SV2C: variants seen among roughly 807,000 people sequenced by gnomAD.
SV2C encodes the protein solute carrier family 22 member B3.
A neutral mutation model predicts 79.7 loss-of-function variants in SV2C; 49 were observed. The ratio of observed to expected loss-of-function variants is 0.61; its 90% confidence interval spans 0.49 to 0.78. The LOEUF (loss-of-function observed/expected upper bound fraction) is 0.78, where lower values mean the gene tolerates loss of function less well. SV2C is among the 30% of genes least tolerant of loss of function. The pLI is 0.00. For missense variants in SV2C, 833 were observed against 912.9 expected (o/e 0.91, Z 1.13); for synonymous variants, 334 against 333.2 (o/e 1.00, Z -0.03).
intron 2 of SV2C, among the ~76,000 whole-genome samples, chr5:76,153,212 C>G (rs1417773488): frequency 6.6e-6 from 1 of 152,220 alleles, no homozygotes; most frequent in Admixed American, 6.5e-5. Flanking sequence ...TAGCCTCTCT[C>G]CCTGAGCTTC....
At chr5:76,092,759 C>T (rs1747422016) in intron 1 of SV2C, among the ~76,000 whole-genome samples, 1 of 152,168 alleles carries the variant, frequency 6.6e-6, no homozygotes, top group African/African-American at 2.4e-5. Context: ...CTCCTACCAT[C>T]TCTTCTTCCC....
chr5:76,036,937 C>G, the SV2C span, among the ~76,000 whole-genome samples: 1 of 152,162 alleles, frequency 6.6e-6, no homozygotes, highest in Non-Finnish European at 1.5e-5. Flanking sequence ...GGAGGCTTTG[C>G]TCGTTTCTTT....
chr5:76,291,396 G>C, intron 7 of SV2C, 65 bp downstream of exon 7: 3 of 1,309,384 alleles, frequency 2.3e-6, no homozygotes, highest in Non-Finnish European at 3.2e-6. Flanking sequence ...GTCAGAAGAG[G>C]GGTTTACTGG....
chr5:76,209,877 C>T lies in SV2C; in HGVS notation c.903C>T (p.Ile301=), dbSNP rs1027156789. Reference sequence around the variant, plus strand: ...CCTCTGCCATGGCCTGGGCCATCATCCCGCACTACGGTAAGAGGCTGGCCT... The same window carrying T: ...CCTCTGCCATGGCCTGGGCCATCATTCCGCACTACGGTAAGAGGCTGGCCT... The part of the protein sequence containing the change: ...IYASAMAWAI[I]PHYGWSFSMG... The change falls in exon 4 of 13, where the codon ATC becomes ATT. Residue 301 remains isoleucine, a synonymous_variant. Transcript: ENST00000502798. 5 of 1,612,978 alleles carry T rather than the reference C, an allele frequency of 3.1e-6. No homozygotes were observed. The African/African-American group carries it at 4.0e-5, about 13-fold the overall frequency.
intron 1 of SV2C, among the ~76,000 whole-genome samples, chr5:76,130,444 A>G (rs1748847630): frequency 1.3e-5 from 2 of 152,198 alleles, no homozygotes; most frequent in African/African-American, 4.8e-5. Context: ...AGTAATAGCT[A>G]CTTTAAATAT....
chr5:76,059,487 C>CTTT, the SV2C span, among the ~76,000 whole-genome samples: 18 of 149,204 alleles, frequency 1.2e-4, no homozygotes, highest in South Asian at 2.1e-4. Flanking sequence ...TGAAGAAATC[C>CTTT]TTTTTTTTTT....
chr5:76,125,511 A>G (rs532256302), intron 1 of SV2C, among the ~76,000 whole-genome samples: 1 of 152,310 alleles, frequency 6.6e-6, no homozygotes, highest in South Asian at 2.1e-4. Flanking sequence ...GAATTCTGTT[A>G]TTAGGAAAGT....
the SV2C span, among the ~76,000 whole-genome samples, chr5:76,016,432 G>T: frequency 6.6e-6 from 1 of 152,012 alleles, no homozygotes; most frequent in Non-Finnish European, 1.5e-5. Context: ...GATGAGGAGG[G>T]AATTGCTCCC....
At chr5:76,139,718 AATAT>A (rs1469124990) in intron 2 of SV2C, among the ~76,000 whole-genome samples, 96 of 152,326 alleles carry the variant, frequency 6.3e-4, no homozygotes, top group African/African-American at 2.2e-3. Context: ...AAACATCTGC[AATAT>A]TAGCTAGAGT....
At chr5:75,972,339 A>T in the SV2C span, among the ~76,000 whole-genome samples, 1 of 152,108 alleles carries the variant, frequency 6.6e-6, no homozygotes, top group Admixed American at 6.5e-5. Flanking sequence ...GATCTAATTA[A>T]ACTAAAGAGC....
chr5:76,333,236 A>T lies in SV2C; in HGVS notation c.*7689A>T, dbSNP rs1749234661. 1 of 152,164 alleles carries T rather than the reference A, an allele frequency of 6.6e-6. No individual in the cohort carries two copies. Among genetic ancestry groups the T allele is most frequent in the Non-Finnish European group, 1.5e-5 (1 of 68,036 alleles). The allele number at this position is 152,164 out of a possible 1,614,324, so 9.4% of individuals were successfully genotyped here. A position where few individuals can be genotyped will look rare whatever the true frequency, so the allele number is the denominator to read the frequency against. On this transcript the variant is annotated 3_prime_UTR_variant, in exon 13 of 13. Coordinates refer to ENST00000502798, the MANE Select transcript of SV2C (RefSeq NM_014979.4). Reference sequence around the variant, plus strand: ...TATTGTTATATATTTGCTTTACTGAATCTATGTCCTATGTCAGTCAGAAGA... The same window carrying T: ...TATTGTTATATATTTGCTTTACTGATTCTATGTCCTATGTCAGTCAGAAGA...
At chr5:76,014,094 G>A in the SV2C span, among the ~76,000 whole-genome samples, 5 of 150,280 alleles carry the variant, frequency 3.3e-5, no homozygotes, top group Non-Finnish European at 7.4e-5. Flanking sequence ...CAAGAAGAAG[G>A]AAAGAAAGAG....
At chr5:76,109,938 G>A (rs1748047145) in intron 1 of SV2C, among the ~76,000 whole-genome samples, 1 of 152,254 alleles carries the variant, frequency 6.6e-6, no homozygotes, top group South Asian at 2.1e-4. Context: ...GTCTAGGAAA[G>A]TCATTTAAAT....
At chr5:75,985,020 G>T in the SV2C span, among the ~76,000 whole-genome samples, 3 of 152,062 alleles carry the variant, frequency 2.0e-5, no homozygotes, top group South Asian at 6.2e-4. Context: ...GATTTATAAA[G>T]GAAAGGGGTT....
the SV2C span, among the ~76,000 whole-genome samples, chr5:76,033,578 G>A: frequency 6.6e-6 from 1 of 152,160 alleles, no homozygotes; most frequent in African/African-American, 2.4e-5. Context: ...CGTTATTTCT[G>A]AGGGCTCTGT....
chr5:76,216,716 G>A (rs1744916050), intron 4 of SV2C, among the ~76,000 whole-genome samples: 1 of 152,198 alleles, frequency 6.6e-6, no homozygotes, highest in Admixed American at 6.5e-5. Context: ...AGATAGGTCA[G>A]GTGTAAAGGT....
At chr5:75,849,971 T>G in the SV2C span, among the ~76,000 whole-genome samples, 1 of 152,208 alleles carries the variant, frequency 6.6e-6, no homozygotes, top group Non-Finnish European at 1.5e-5. Context: ...TTATCATAAC[T>G]GCTTAGAATG....
At chr5:75,853,042 T>C in the SV2C span, among the ~76,000 whole-genome samples, 1 of 152,036 alleles carries the variant, frequency 6.6e-6, no homozygotes, top group African/African-American at 2.4e-5. Context: ...ATAATAAATA[T>C]ATCAAAAAGA....
chr5:75,881,459 T>A, the SV2C span, among the ~76,000 whole-genome samples: 1 of 152,182 alleles, frequency 6.6e-6, no homozygotes, highest in Non-Finnish European at 1.5e-5. Flanking sequence ...GAAGGTTTTT[T>A]AACAAACATT....
Sources: gnomAD v4.1 joint callset for allele counts (sites outside exome capture counted in the v4.1 genomes callset) on GRCh38, gnomAD v4.1.1 for gene constraint, MANE v1.5 for transcripts, NCBI Gene and HGNC (gene_info 2026-07-23, HGNC 2026-07-21) for gene names.